The following CNTNAP5 variants were observed in gnomAD, a reference collection of about 807,000 sequenced individuals.
CNTNAP5 encodes the protein contactin associated protein family member 5.
In CNTNAP5, 72 loss-of-function variants were observed where a neutral mutation model predicts 150.2. That is an observed-to-expected ratio of 0.48 (90% CI 0.40 to 0.58). The LOEUF (loss-of-function observed/expected upper bound fraction) is 0.58, where lower values mean the gene tolerates loss of function less well. CNTNAP5 is among the 20% of genes least tolerant of loss of function. CNTNAP5 has a pLI of 0.00. For missense variants in CNTNAP5, 1,636 were observed against 1,626.2 expected (o/e 1.01, Z -0.10); for synonymous variants, 672 against 619.8 (o/e 1.08, Z -1.25).
chr2:124,652,393 G>A (rs955750855), intron 13 of CNTNAP5, among the ~76,000 whole-genome samples: 1 of 152,160 alleles, frequency 6.6e-6, no homozygotes, highest in Non-Finnish European at 1.5e-5. Flanking sequence ...CAGGGAAGGA[G>A]ACAACACTTA....
At chr2:124,193,742 T>G (rs1018021076) in intron 1 of CNTNAP5, among the ~76,000 whole-genome samples, 4 of 152,234 alleles carry the variant, frequency 2.6e-5, no homozygotes, top group Non-Finnish European at 4.4e-5. Context: ...TTATGAAATG[T>G]GAAGCATTTA....
rs145049068 is a variant in CNTNAP5, at chr2:124,653,782, T to C, written c.2077+5824T>C. Among the ~76,000 whole-genome samples the C allele has an allele frequency of 1.4e-3, 218 of 152,276 alleles. 2 individuals are homozygous for C. The highest frequency in any genetic ancestry group is 4.9e-3 in the African/African-American group (205 of 41,544). ...TAGCAGAATTAACATTTTTCTTTCA[T>C]ACACTAGGCATTTTTGAGTATCTGT... On this transcript the variant is annotated intron_variant, in intron 13 of 23. Coordinates refer to ENST00000682447, the MANE Select transcript of CNTNAP5 (RefSeq NM_001367498.1).
At chr2:124,861,705 T>C (rs543076427) in intron 19 of CNTNAP5, among the ~76,000 whole-genome samples, 177 of 152,302 alleles carry the variant, frequency 1.2e-3, no homozygotes, top group African/African-American at 4.1e-3. Context: ...GGATAGGACC[T>C]TTAAAACTTC....
At chr2:124,374,452 C>T (rs1187607437) in intron 3 of CNTNAP5, among the ~76,000 whole-genome samples, 4 of 152,078 alleles carry the variant, frequency 2.6e-5, no homozygotes, top group Non-Finnish European at 5.9e-5. Flanking sequence ...TAGACTGTTA[C>T]ATCTGTGAGT....
intron 7 of CNTNAP5, among the ~76,000 whole-genome samples, chr2:124,496,546 C>G (rs1302807755): frequency 6.6e-6 from 1 of 152,116 alleles, no homozygotes; most frequent in African/African-American, 2.4e-5. Context: ...AAACAAACAC[C>G]CACAATGAAA....
At chr2:124,664,215 C>T (rs905864128) in intron 13 of CNTNAP5, among the ~76,000 whole-genome samples, 1 of 151,314 alleles carries the variant, frequency 6.6e-6, no homozygotes, top group African/African-American at 2.4e-5. Context: ...CCCAGCACTT[C>T]GGGAGGCTGA....
chr2:124,455,647 A>G (rs564602670), intron 6 of CNTNAP5, among the ~76,000 whole-genome samples: 1 of 152,304 alleles, frequency 6.6e-6, no homozygotes, highest in South Asian at 2.1e-4. Context: ...CCTGATGAAC[A>G]TAGATGCAAA....
At chr2:124,623,198 G>A (rs1478132272) in intron 12 of CNTNAP5, among the ~76,000 whole-genome samples, 1 of 152,166 alleles carries the variant, frequency 6.6e-6, no homozygotes, top group African/African-American at 2.4e-5. Context: ...GGTCCTGCAA[G>A]TTCACAGACT....
intron 6 of CNTNAP5, among the ~76,000 whole-genome samples, chr2:124,474,494 A>G (rs1207264614): frequency 1.3e-5 from 2 of 152,036 alleles, no homozygotes; most frequent in Non-Finnish European, 2.9e-5. Flanking sequence ...TTAGTATTAA[A>G]AAGGTTCAGA....
chr2:124,351,835 T>G (rs1376301947), intron 3 of CNTNAP5, among the ~76,000 whole-genome samples: 1 of 152,182 alleles, frequency 6.6e-6, no homozygotes, highest in Non-Finnish European at 1.5e-5. Context: ...TACTTATAAC[T>G]TAATTTCTGT....
chr2:124,388,912 G>C (rs766577536), intron 3 of CNTNAP5, among the ~76,000 whole-genome samples: 1 of 152,008 alleles, frequency 6.6e-6, no homozygotes, highest in Admixed American at 6.6e-5. Flanking sequence ...GTCCATTTTT[G>C]TGCTCACCGT....
At chr2:124,277,591 C>T (rs372085075) in intron 3 of CNTNAP5, among the ~76,000 whole-genome samples, 52 of 152,166 alleles carry the variant, frequency 3.4e-4, no homozygotes, top group African/African-American at 1.1e-3. Context: ...CTAAATACTA[C>T]CATTTTACAT....
chr2:124,601,710 A>G (rs1408526318), intron 11 of CNTNAP5, among the ~76,000 whole-genome samples: 1 of 152,198 alleles, frequency 6.6e-6, no homozygotes, highest in Admixed American at 6.5e-5. Flanking sequence ...CCAATCTTCT[A>G]TAATTTTAAA....
At chr2:124,152,811 A>G (rs1468806314) in intron 1 of CNTNAP5, among the ~76,000 whole-genome samples, 2 of 152,198 alleles carry the variant, frequency 1.3e-5, no homozygotes, top group African/African-American at 4.8e-5. Flanking sequence ...CTGTCTTATT[A>G]TAGCATATAC....
intron 12 of CNTNAP5, among the ~76,000 whole-genome samples, chr2:124,619,959 A>C (rs1677578020): frequency 7.1e-6 from 1 of 141,284 alleles, no homozygotes. Flanking sequence ...CACACAGTTT[A>C]GTTTATTCAG....
chr2:124,771,153 T>A (rs1573606083), intron 16 of CNTNAP5, among the ~76,000 whole-genome samples: 1 of 151,996 alleles, frequency 6.6e-6, no homozygotes, highest in Non-Finnish European at 1.5e-5. Flanking sequence ...TGAGGTGGAG[T>A]TTGTCTTTTG....
chr2:124,486,138 T>C (rs1693875381), intron 7 of CNTNAP5, among the ~76,000 whole-genome samples: 1 of 152,144 alleles, frequency 6.6e-6, no homozygotes, highest in Non-Finnish European at 1.5e-5. Context: ...AGGAACAAAA[T>C]AATGGCATGT....
intron 6 of CNTNAP5, among the ~76,000 whole-genome samples, chr2:124,455,419 A>G (rs956351339): frequency 6.6e-6 from 1 of 152,154 alleles, no homozygotes; most frequent in Non-Finnish European, 1.5e-5. Flanking sequence ...AAAATTACCA[A>G]TAAAAAAAGT....
At chr2:124,504,183 T>G (rs541032434) in intron 7 of CNTNAP5, 109 bp from the exon 8 acceptor site, 3 of 1,098,412 alleles carry the variant, frequency 2.7e-6, no homozygotes, top group Admixed American at 4.4e-5. Flanking sequence ...TGCCGCTGAA[T>G]GTGGAATGAT....
Sources: gnomAD v4.1 joint callset for allele counts (sites outside exome capture counted in the v4.1 genomes callset) on GRCh38, gnomAD v4.1.1 for gene constraint, MANE v1.5 for transcripts, NCBI Gene and HGNC (gene_info 2026-07-23, HGNC 2026-07-21) for gene names.